The following ACSL3 variants were observed in gnomAD, a reference collection of about 807,000 sequenced individuals.
ACSL3 encodes fatty acid CoA ligase Acsl3.
Under a neutral mutation model 84.7 loss-of-function variants are expected in ACSL3, and 34 were observed. The observed-to-expected ratio is 0.40, with a 90% CI of 0.31 to 0.53. The LOEUF (loss-of-function observed/expected upper bound fraction) is 0.53. Ranked by LOEUF, ACSL3 falls within the 20% of genes least tolerant of loss-of-function variation. The probability of loss-of-function intolerance (pLI) is 0.48; values close to 1 mark genes in which losing one functional copy is unlikely to be tolerated. For synonymous variants in ACSL3, 315 were observed against 299.4 expected, an observed-to-expected ratio of 1.05 and a Z score of -0.54; for missense variants, 680 against 873.1, an observed-to-expected ratio of 0.78 and a Z score of 2.79.
intron 2 of ACSL3, among the ~76,000 whole-genome samples, chr2:222,899,757 A>G (rs909066707): frequency 2.0e-5 from 3 of 152,182 alleles, no homozygotes; most frequent in Non-Finnish European, 4.4e-5. Flanking sequence ...AGGGTTTGTG[A>G]TAAAGGAATA....
intron 1 of ACSL3, among the ~76,000 whole-genome samples, chr2:222,863,781 AT>A (rs746462944): frequency 1.3e-5 from 2 of 152,232 alleles, no homozygotes; most frequent in Non-Finnish European, 2.9e-5. Flanking sequence ...ATTGTTAAAA[AT>A]ATATAAATGT....
chr2:222,920,660 A>G (rs1696707585), intron 7 of ACSL3, among the ~76,000 whole-genome samples: 1 of 150,736 alleles, frequency 6.6e-6, no homozygotes, highest in African/African-American at 2.4e-5. Flanking sequence ...AGCCAAAGTG[A>G]TCTTTTTTTT....
chr2:222,865,375 G>A (rs1251821111), intron 1 of ACSL3, among the ~76,000 whole-genome samples: 1 of 152,174 alleles, frequency 6.6e-6, no homozygotes, highest in East Asian at 1.9e-4. Context: ...TGGATAAGTG[G>A]CCTCCAAATA....
intron 2 of ACSL3, among the ~76,000 whole-genome samples, chr2:222,891,812 T>C (rs567228251): frequency 9.4e-4 from 143 of 152,328 alleles, no homozygotes; most frequent in African/African-American, 3.4e-3. Flanking sequence ...AATGCCAACA[T>C]TTCATTTTCT....
chr2:222,874,547 A>G (rs1695397140), intron 1 of ACSL3, among the ~76,000 whole-genome samples: 1 of 151,892 alleles, frequency 6.6e-6, no homozygotes, highest in African/African-American at 2.4e-5. Context: ...AAAAAATACT[A>G]ACTGAGTTGG....
chr2:222,928,721 A>G (rs1417058856), intron 12 of ACSL3, 141 bp from the exon 13 acceptor site: 6 of 738,306 alleles, frequency 8.1e-6, no homozygotes, highest in Non-Finnish European at 9.0e-6. Context: ...CCTGTGCTTC[A>G]CCAATATGTG....
chr2:222,931,828 G>C (rs1018675400), intron 14 of ACSL3, among the ~76,000 whole-genome samples: 1 of 152,132 alleles, frequency 6.6e-6, no homozygotes, highest in Non-Finnish European at 1.5e-5. Flanking sequence ...GCTGAAATTA[G>C]AGCTGATGTT....
chr2:222,883,472 C>T (rs1175328930), intron 1 of ACSL3, among the ~76,000 whole-genome samples: 2 of 152,110 alleles, frequency 1.3e-5, no homozygotes, highest in Non-Finnish European at 2.9e-5. Flanking sequence ...CGTGAGCCAC[C>T]ATGCCCAGCC....
chr2:222,930,761 T>G lies in ACSL3; in HGVS notation c.1681T>G (p.Cys561Gly). 6.2e-7 allele frequency: 1 copy of G among 1,614,134 alleles called. No homozygotes were observed. Residue 561 changes from cysteine (C) to glycine (G), a missense_variant, in exon 14 of 17, where the codon TGT becomes GGT. By Grantham distance (159) the Cys-to-Gly change is radical (BLOSUM62 -3). Transcript: ENST00000357430. ...FEDENGQRWLCTGDIGEFEPD... is the reference protein window; with the variant it reads ...FEDENGQRWLGTGDIGEFEPD... ...AGATGAAAATGGACAAAGGTGGCTC[T>G]GTACTGGGGATATTGGAGAGTTTGA...
intron 1 of ACSL3, among the ~76,000 whole-genome samples, chr2:222,873,642 T>C (rs1695365413): frequency 6.6e-6 from 1 of 152,210 alleles, no homozygotes; most frequent in Non-Finnish European, 1.5e-5. Flanking sequence ...AAAGTGGAAA[T>C]ATATTGTGTG....
intron 3 of ACSL3, chr2:222,904,549 T>C (rs541445068): frequency 3.3e-5 from 5 of 152,548 alleles, no homozygotes; most frequent in African/African-American, 1.2e-4. Context: ...GTCATATCTG[T>C]TAAGGCTCTT....
chr2:222,933,596 C>G (rs553916607), intron 15 of ACSL3: 1 of 202,340 alleles, frequency 4.9e-6, no homozygotes. Flanking sequence ...GGAAGCTTCA[C>G]AGAACTACTC....
chr2:222,882,877 G>A lies in ACSL3; in HGVS notation c.-206-4953G>A, dbSNP rs186717847. On this transcript the variant is annotated intron_variant, in intron 1 of 16. Transcript: ENST00000357430. ...CTGCCTCCTGGCTTCAAGTGATTCC[G>A]CTGCCTCAGCCTCCTGAGTAGCTGG... is the stretch of plus-strand genomic sequence containing the variant. 2.9e-4 allele frequency among the ~76,000 whole-genome samples: 43 copies of A among 147,828 alleles called. No homozygotes were observed. The South Asian group carries it at 6.2e-3, about 21-fold the overall frequency.
intron 4 of ACSL3, among the ~76,000 whole-genome samples, chr2:222,911,045 C>CTTTT (rs781161368): frequency 3.2e-5 from 4 of 123,546 alleles, no homozygotes; most frequent in African/African-American, 8.4e-5. Flanking sequence ...CTGGCACTGC[C>CTTTT]TTTTTTTTTT....
intron 1 of ACSL3, among the ~76,000 whole-genome samples, chr2:222,869,844 C>T (rs750802873): frequency 2.6e-5 from 4 of 152,184 alleles, no homozygotes; most frequent in East Asian, 1.9e-4. Context: ...AAGAAAGGCA[C>T]ATGGACTTGG....
chr2:222,935,101 C>T (rs1308132083), intron 16 of ACSL3, among the ~76,000 whole-genome samples: 1 of 152,138 alleles, frequency 6.6e-6, no homozygotes, highest in African/African-American at 2.4e-5. Flanking sequence ...TGAGGAGTGC[C>T]CAAGACTAGT....
intron 4 of ACSL3, chr2:222,909,513 G>A (rs1303413833): frequency 5.2e-6 from 1 of 193,616 alleles, no homozygotes. Context: ...CTTAGATGTG[G>A]GTTGCAGTGA....
At chr2:222,940,858 G>A (rs773672061) in intron 16 of ACSL3, among the ~76,000 whole-genome samples, 30 of 151,896 alleles carry the variant, frequency 2.0e-4, no homozygotes, top group Middle Eastern at 3.2e-3. Flanking sequence ...TAAGAGATGC[G>A]TGACTATATT....
chr2:222,942,632 C>CATT lies in ACSL3; in HGVS notation c.*982_*984dup, dbSNP rs772537052. 4 of 201,550 alleles carry CATT rather than the reference C, an allele frequency of 2.0e-5. No individual in the cohort carries two copies. The East Asian group carries it at 2.4e-4, about 12-fold the overall frequency. 12.5% of individuals were successfully genotyped at this position (201,550 alleles called of 1,614,324 possible). ...AAAGTCTCCTTTTAGTCTAGATAAT[C>CATT]ATTATTTCATTTTAAAATTAGTGTT... On this transcript the variant is annotated 3_prime_UTR_variant, in exon 17 of 17. Coordinates refer to ENST00000357430, the MANE Select transcript of ACSL3 (RefSeq NM_004457.5).
Sources: allele counts gnomAD v4.1 joint callset (sites outside exome capture counted in the v4.1 genomes callset), GRCh38; gene constraint gnomAD v4.1.1; transcripts MANE v1.5; gene names NCBI Gene and HGNC (gene_info 2026-07-23, HGNC 2026-07-21).